DLG1: variants seen among roughly 807,000 people sequenced by gnomAD.
The protein encoded by DLG1 is disks large homolog 1.
Under a neutral mutation model 123.4 loss-of-function variants are expected in DLG1, and 42 were observed. The observed-to-expected ratio is 0.34, with a 90% CI of 0.27 to 0.44. The LOEUF is 0.44. Among genes scored for constraint, DLG1 ranks in the 20% least tolerant of loss-of-function variants. DLG1 has a pLI of 1.00. For synonymous variants in DLG1, 317 were observed against 356.2 expected (o/e 0.89, Z 1.24); for missense variants, 942 against 1,082.6 (o/e 0.87, Z 1.82).
intron 4 of DLG1, among the ~76,000 whole-genome samples, chr3:197,228,598 G>A (rs1360094776): frequency 1.3e-5 from 2 of 152,086 alleles, no homozygotes; most frequent in Non-Finnish European, 2.9e-5. Context: ...AACTGCAGAA[G>A]ACAGTATAAA....
At chr3:197,137,708 A>G (rs886625596) in intron 9 of DLG1, among the ~76,000 whole-genome samples, 3 of 152,092 alleles carry the variant, frequency 2.0e-5, no homozygotes, top group African/African-American at 7.2e-5. Context: ...AGTGGCTCAC[A>G]CTTGTAATAC....
intron 14 of DLG1, among the ~76,000 whole-genome samples, chr3:197,093,618 T>C (rs1458918739): frequency 6.6e-6 from 1 of 152,142 alleles, no homozygotes; most frequent in Non-Finnish European, 1.5e-5. Flanking sequence ...TTTACTTCTT[T>C]GTGGTAGGTA....
chr3:197,241,660 G>A (rs1463821729), intron 4 of DLG1, among the ~76,000 whole-genome samples: 1 of 152,102 alleles, frequency 6.6e-6, no homozygotes, highest in East Asian at 1.9e-4. Flanking sequence ...GATAAACTGA[G>A]ACAATTAAAA....
intron 4 of DLG1, among the ~76,000 whole-genome samples, chr3:197,227,972 T>G (rs1740850708): frequency 6.6e-6 from 1 of 152,258 alleles, no homozygotes; most frequent in Admixed American, 6.5e-5. Flanking sequence ...ATACATTTAC[T>G]AAGTCAGAGC....
chr3:197,097,032 C>T (rs1344096738), intron 14 of DLG1, among the ~76,000 whole-genome samples: 1 of 152,146 alleles, frequency 6.6e-6, no homozygotes, highest in African/African-American at 2.4e-5. Context: ...AAAGACATGA[C>T]CTCAGACACT....
chr3:197,254,137 T>G (rs1755762901), intron 4 of DLG1, among the ~76,000 whole-genome samples: 1 of 152,198 alleles, frequency 6.6e-6, no homozygotes, highest in South Asian at 2.1e-4. Flanking sequence ...CATGACCAGT[T>G]AGAATCTGGA....
intron 6 of DLG1, among the ~76,000 whole-genome samples, chr3:197,144,713 G>T (rs1789818040): frequency 6.6e-6 from 1 of 151,902 alleles, no homozygotes. Context: ...TACCCTTTTG[G>T]GTTCTTAACT....
chr3:197,044,451 C>T lies in DLG1; in HGVS notation c.*172G>A. 1 of 455,514 alleles carries T rather than the reference C, an allele frequency of 2.2e-6. No homozygotes were observed. The highest frequency in any genetic ancestry group is 4.0e-5 in the Admixed American group (1 of 25,244). The allele number at this position is 455,514 out of a possible 1,614,324, so 28.2% of individuals were successfully genotyped here. On this transcript the variant is annotated 3_prime_UTR_variant, in exon 25 of 25. Transcript: ENST00000667157. ...TAACCAATAGTGACATTAAATAATA[C>T]ACACGATGTAACTTGAAGGAGACAC...
chr3:197,288,631 G>T (rs1477754093), intron 3 of DLG1, among the ~76,000 whole-genome samples: 2 of 146,362 alleles, frequency 1.4e-5, no homozygotes, highest in Non-Finnish European at 3.0e-5. Context: ...TGAGGCAGGA[G>T]AATCGCTTGA....
chr3:197,263,918 G>A lies in DLG1; in HGVS notation c.318+18761C>T, dbSNP rs554960271. Among the ~76,000 whole-genome samples, 5 of 152,234 alleles carry A rather than the reference G, an allele frequency of 3.3e-5. No individual in the cohort carries two copies. In the East Asian group the frequency reaches 9.6e-4, roughly 29 times the overall value. The stretch of plus-strand genomic sequence containing the variant: ...TGGCCTTTCTAATATTTAAACTATA[G>A]GTGATTACAAAATTGAAAACAGCCT... On this transcript the variant is annotated intron_variant, in intron 4 of 24. Transcript: ENST00000667157.
At position 197,218,318 on chromosome 3, in the gene DLG1, C is replaced by A. The variant is rs528743522; in HGVS notation, c.319-23729G>T. Among the ~76,000 whole-genome samples, 20 of 152,236 alleles carry A rather than the reference C, an allele frequency of 1.3e-4. No homozygotes were observed. In the East Asian group the frequency reaches 3.7e-3, roughly 28 times the overall value. ...CTTTTCTCTAAAACCAATGAGGAAG[C>A]CTAAAAAAAGGCTTCTGCCAGGAGT... On this transcript the variant is annotated intron_variant, in intron 4 of 24. Transcript: ENST00000667157.
chr3:197,075,588 T>C (rs1013079736), intron 18 of DLG1, among the ~76,000 whole-genome samples: 3 of 152,004 alleles, frequency 2.0e-5, no homozygotes, highest in Admixed American at 1.3e-4. Flanking sequence ...TCGTAAAAAT[T>C]ACAAAAAGGA....
intron 22 of DLG1, among the ~76,000 whole-genome samples, chr3:197,064,092 G>T (rs1023639207): frequency 6.6e-6 from 1 of 151,684 alleles, no homozygotes; most frequent in East Asian, 1.9e-4. Context: ...GTTAATTTTT[G>T]TATTTTTGGT....
chr3:197,298,665 G>T, upstream of DLG1: 1 of 397,600 alleles, frequency 2.5e-6, no homozygotes, highest in South Asian at 1.3e-4. Flanking sequence ...GCACCTCCCA[G>T]GGGGCGGGGA....
At chr3:197,294,810 T>C (rs990399969) in intron 3 of DLG1, among the ~76,000 whole-genome samples, 5 of 152,134 alleles carry the variant, frequency 3.3e-5, no homozygotes, top group Non-Finnish European at 5.9e-5. Context: ...GAAATATAAA[T>C]GTAGATTCTG....
intron 4 of DLG1, among the ~76,000 whole-genome samples, chr3:197,209,722 A>T (rs1287082925): frequency 1.4e-5 from 2 of 146,746 alleles, no homozygotes; most frequent in South Asian, 2.5e-4. Context: ...TAAAATTCCT[A>T]ATATTTGAAC....
intron 4 of DLG1, among the ~76,000 whole-genome samples, chr3:197,244,274 A>T (rs1750464110): frequency 6.6e-6 from 1 of 152,296 alleles, no homozygotes; most frequent in East Asian, 1.9e-4. Context: ...TTATTACCCC[A>T]GGATGTGAGG....
At chr3:197,271,636 A>T (rs943220769) in intron 4 of DLG1, among the ~76,000 whole-genome samples, 1 of 152,174 alleles carries the variant, frequency 6.6e-6, no homozygotes, top group Non-Finnish European at 1.5e-5. Context: ...GCTTTATCTG[A>T]TTTTTTTCAA....
At chr3:197,083,807 A>AAAC (rs1752591268) in intron 16 of DLG1, among the ~76,000 whole-genome samples, 2 of 116,356 alleles carry the variant, frequency 1.7e-5, no homozygotes, top group South Asian at 2.2e-4. Flanking sequence ...ACAAAAACAA[A>AAAC]AACAAAAACA....
Sources: allele counts gnomAD v4.1 joint callset (sites outside exome capture counted in the v4.1 genomes callset), GRCh38; gene constraint gnomAD v4.1.1; transcripts MANE v1.5; gene names NCBI Gene and HGNC (gene_info 2026-07-23, HGNC 2026-07-21).